Variants in EVC2 observed in about 807,000 individuals in gnomAD.
EVC2 encodes the protein limbin.
Under a neutral mutation model 149.3 loss-of-function variants are expected in EVC2, and 148 were observed. That is an observed-to-expected ratio of 0.99 (90% CI 0.87 to 1.14). EVC2 has a LOEUF of 1.14. EVC2 is among the 50% of genes most tolerant of loss of function. The pLI, the probability that EVC2 is intolerant of heterozygous loss-of-function variation, is 0.00. For missense variants in EVC2, 1,854 were observed against 1,627.3 expected, an observed-to-expected ratio of 1.14 and a Z score of -2.40; for synonymous variants, 776 against 649.9, an observed-to-expected ratio of 1.19 and a Z score of -2.95.
chr4:5,676,914 ATGCTGCCG>A (rs2151719581), intron 7 of EVC2, among the ~76,000 whole-genome samples: 1 of 152,042 alleles, frequency 6.6e-6, no homozygotes, highest in South Asian at 2.1e-4. Flanking sequence ...CCGAGTGTCC[ATGCTGCCG>A]CACGCTCCAT....
chr4:5,543,637 TGTTCC>T (rs1174790876), intron 21 of EVC2, among the ~76,000 whole-genome samples: 3 of 152,102 alleles, frequency 2.0e-5, no homozygotes, highest in African/African-American at 7.2e-5. Context: ...GATGGGAGTG[TGTTCC>T]AGAAGGAGTT....
rs548379280 is a variant in EVC2, at chr4:5,597,720, C to T, written c.2830-12870G>A. Among the ~76,000 whole-genome samples the T allele has an allele frequency of 1.3e-3, 192 of 143,264 alleles. 2 individuals are homozygous for T. The highest frequency in any genetic ancestry group is 4.7e-3 in the African/African-American group (185 of 39,552). 94.0% of individuals were successfully genotyped at this position (143,264 alleles called of 152,430 possible). On this transcript the variant is annotated intron_variant, in intron 16 of 21. Coordinates refer to ENST00000344408, the MANE Select transcript of EVC2 (RefSeq NM_147127.5). ...ATACTGTTGGAAGTTCTGGCCAGGG[C>T]AATTAGGCAGGAGAAGGAAATAAAG...
rs528192900 is a variant in EVC2 at position 5,708,121 on chromosome 4, T to C, written c.228+165A>G. Reference sequence around the variant, plus strand: ...GTCTCCAGTTTCCCTCGAAGCTTTCTGGCCGTGAGCGGGATACACCTAAGG... The same window carrying C: ...GTCTCCAGTTTCCCTCGAAGCTTTCCGGCCGTGAGCGGGATACACCTAAGG... On this transcript the variant is annotated intron_variant, in intron 1 of 21. Transcript: ENST00000344408. 3.8e-5 allele frequency: 21 copies of C among 551,294 alleles called. 1 individual carries two copies. The African/African-American group carries it at 4.1e-4, about 11-fold the overall frequency. The allele number at this position is 551,294 out of a possible 1,614,324, so 34.2% of individuals were successfully genotyped here.
At chr4:5,566,775 A>G (rs1163942674) in intron 20 of EVC2, among the ~76,000 whole-genome samples, 1 of 151,862 alleles carries the variant, frequency 6.6e-6, no homozygotes, top group African/African-American at 2.4e-5. Context: ...TGGCCTCCCA[A>G]ACTAAGCTGG....
intron 10 of EVC2, among the ~76,000 whole-genome samples, chr4:5,635,059 C>CA (rs1345526113): frequency 3.8e-5 from 3 of 79,260 alleles, no homozygotes; most frequent in African/African-American, 1.5e-4. Context: ...TTTTTTGAGA[C>CA]AGAGTCTCAC....
intron 1 of EVC2, among the ~76,000 whole-genome samples, chr4:5,704,124 G>A (rs910487273): frequency 2.6e-5 from 4 of 152,086 alleles, no homozygotes. Context: ...ATTTTAAATG[G>A]GACACTCTGG....
At chr4:5,653,836 G>A (rs898846300) in intron 9 of EVC2, among the ~76,000 whole-genome samples, 3 of 152,172 alleles carry the variant, frequency 2.0e-5, no homozygotes, top group African/African-American at 7.2e-5. Flanking sequence ...ACTCCTTAAT[G>A]CGTGCCTGTT....
At chr4:5,594,001 G>A (rs188687031) in intron 16 of EVC2, among the ~76,000 whole-genome samples, 11 of 152,314 alleles carry the variant, frequency 7.2e-5, no homozygotes, top group East Asian at 1.9e-4. Flanking sequence ...ACTGCAAGGC[G>A]GCAGCGAGGC....
chr4:5,706,349 G>C lies in EVC2; in HGVS notation c.228+1937C>G, dbSNP rs377472623. On this transcript the variant is annotated intron_variant, in intron 1 of 21. Coordinates refer to ENST00000344408, the MANE Select transcript of EVC2 (RefSeq NM_147127.5). ...AGATAGATAGATAGATACATAGATA[G>C]ATAGACACATAGATAGATACATAGA... Among the ~76,000 whole-genome samples, 30 of 22,756 alleles carry C rather than the reference G, an allele frequency of 1.3e-3. 1 individual carries two copies. The highest frequency in any genetic ancestry group is 6.3e-3 in the African/African-American group (24 of 3,786). 14.9% of individuals were successfully genotyped at this position (22,756 alleles called of 152,430 possible). A position where few individuals can be genotyped will look rare whatever the true frequency, so the allele number is the denominator to read the frequency against.
rs761816687 is a variant in EVC2 at position 5,618,640 on chromosome 4, C to T, written c.2544G>A (p.Leu848=). Residue 848 remains leucine (L), a synonymous_variant, in exon 15 of 22, where the codon CTG becomes CTA. Coordinates refer to ENST00000344408, the MANE Select transcript of EVC2 (RefSeq NM_147127.5). The surrounding 1 kb of genome is among the most constrained non-coding windows in gnomAD (Gnocchi z 4.4). ...SSVFSLSEEE[L]LRMRQEVHGC... ...CATGGACCTCCTGCCTCATCCTGAG[C>T]AGCTCCTCTTCAGACAGGGAGAAGA... 2 of 1,611,182 alleles carry T rather than the reference C, an allele frequency of 1.2e-6. No individual in the cohort carries two copies. The highest frequency in any genetic ancestry group is 2.2e-5 in the South Asian group (2 of 90,224).
At chr4:5,644,407 T>A (rs965791320) in intron 9 of EVC2, among the ~76,000 whole-genome samples, 3 of 152,076 alleles carry the variant, frequency 2.0e-5, no homozygotes, top group African/African-American at 7.2e-5. Flanking sequence ...CAGGTTCAAG[T>A]GATTCTCCTG....
chr4:5,574,894 C>T, intron 18 of EVC2, 122 bp from the exon 19 acceptor site: 1 of 1,038,602 alleles, frequency 9.6e-7, no homozygotes, highest in Non-Finnish European at 1.5e-6. Context: ...AAAATATGTC[C>T]ATAGAAAGAG....
At chr4:5,619,942 T>A (rs1202471033) in intron 14 of EVC2, among the ~76,000 whole-genome samples, 1 of 152,186 alleles carries the variant, frequency 6.6e-6, no homozygotes, top group African/African-American at 2.4e-5. Flanking sequence ...AATTCAGAGT[T>A]ATCAGCAGAA....
At chr4:5,695,820 AGACTACAAGTGCTTTTGAAAC>A (rs1721440418) in intron 2 of EVC2, among the ~76,000 whole-genome samples, 1 of 152,220 alleles carries the variant, frequency 6.6e-6, no homozygotes, top group African/African-American at 2.4e-5. Flanking sequence ...TTGATGGTAA[AGACTACAAGTGCTTTTGAAAC>A]TTTCTATAGA....
chr4:5,676,657 C>A (rs1359370482), intron 7 of EVC2, among the ~76,000 whole-genome samples: 1 of 152,164 alleles, frequency 6.6e-6, no homozygotes, highest in African/African-American at 2.4e-5. Context: ...AGATGTTCAG[C>A]TGCCCCTTCC....
At chr4:5,572,517 A>T (rs1013100473) in intron 19 of EVC2, among the ~76,000 whole-genome samples, 1 of 152,196 alleles carries the variant, frequency 6.6e-6, no homozygotes, top group Non-Finnish European at 1.5e-5. Context: ...CAAAGGATGC[A>T]GCAACAATGC....
intron 10 of EVC2, among the ~76,000 whole-genome samples, chr4:5,635,123 G>A (rs1016741652): frequency 3.2e-5 from 4 of 125,236 alleles, no homozygotes; most frequent in African/African-American, 1.2e-4. Flanking sequence ...TGCAAACTCC[G>A]CCCTCTGGGT....
intron 6 of EVC2, among the ~76,000 whole-genome samples, chr4:5,681,824 T>C (rs1720364909): frequency 6.6e-6 from 1 of 152,222 alleles, no homozygotes; most frequent in South Asian, 2.1e-4. Flanking sequence ...TGTGTCATGG[T>C]ATCCACCTGT....
At chr4:5,663,020 G>T in intron 9 of EVC2, 87 bp downstream of exon 9, 1 of 1,534,678 alleles carries the variant, frequency 6.5e-7, no homozygotes, top group South Asian at 1.1e-5. Context: ...CTGAATGAAT[G>T]AAATATACTC....
Sources: allele counts gnomAD v4.1 joint callset (sites outside exome capture counted in the v4.1 genomes callset), GRCh38; gene constraint gnomAD v4.1.1; non-coding constraint Gnocchi (gnomAD v3.1); transcripts MANE v1.5; gene names NCBI Gene and HGNC (gene_info 2026-07-23, HGNC 2026-07-21).